Variants in LGR6 observed in about 807,000 individuals in gnomAD.
The protein encoded by LGR6 is leucine rich repeat containing G protein-coupled receptor 6.
LGR6 carries 45 observed loss-of-function variants against 69.4 expected under a neutral mutation model. The ratio of observed to expected loss-of-function variants is 0.65; its 90% CI spans 0.51 to 0.83. The LOEUF (loss-of-function observed/expected upper bound fraction) is 0.83, where lower values mean the gene tolerates loss of function less well. LGR6 is among the 40% of genes least tolerant of loss of function. The pLI is 0.00. For missense variants in LGR6, 1,108 were observed against 1,246.7 expected (o/e 0.89, Z 1.68); for synonymous variants, 538 against 555.0 (o/e 0.97, Z 0.43).
At chr1:202,241,170 T>A (rs1205185571) in intron 4 of LGR6, among the ~76,000 whole-genome samples, 1 of 152,226 alleles carries the variant, frequency 6.6e-6, no homozygotes, top group Admixed American at 6.5e-5. Flanking sequence ...GGAAATGTCT[T>A]TCCTGTTGGA....
Position 202,319,171 on chromosome 1 carries a change from T to A in LGR6, c.2868T>A (p.Phe956Leu). 6.2e-7 allele frequency: 1 copy of A among 1,612,356 alleles called. No individual in the cohort carries two copies. ...GAGGCTTGTCAGGGGGTGGCGGCTTTCAGCCCTCTGGCTTGGCCTTTGCTT... is the reference window on the plus strand; with the variant it reads ...GAGGCTTGTCAGGGGGTGGCGGCTTACAGCCCTCTGGCTTGGCCTTTGCTT... ...AGGGLSGGGG[F>L]QPSGLAFASH... is the part of the protein sequence containing the mutation. Residue 956 changes from phenylalanine (F) to leucine (L), a missense_variant, in exon 18 of 18, where the codon TTT (phenylalanine) becomes TTA (leucine). By Grantham distance (22) the Phe-to-Leu change is conservative. Transcript: ENST00000367278.
chr1:202,312,283 TCAGA>T (rs1653803419), intron 16 of LGR6, among the ~76,000 whole-genome samples: 1 of 152,252 alleles, frequency 6.6e-6, no homozygotes, highest in Admixed American at 6.5e-5. Flanking sequence ...TTTCCCAGCC[TCAGA>T]CAGAGTCCAC....
intron 6 of LGR6, among the ~76,000 whole-genome samples, chr1:202,284,600 A>G (rs372138269): frequency 1.4e-4 from 22 of 152,302 alleles, no homozygotes; most frequent in African/African-American, 5.3e-4. Context: ...GAACATTTCT[A>G]GGAAGGTTTT....
chr1:202,292,225 G>A (rs1194770639), intron 6 of LGR6, among the ~76,000 whole-genome samples: 1 of 152,170 alleles, frequency 6.6e-6, no homozygotes, highest in Non-Finnish European at 1.5e-5. Context: ...TTTTCAACAG[G>A]AGAGTGACAG....
chr1:202,296,828 G>T (rs1430404910), intron 6 of LGR6, among the ~76,000 whole-genome samples: 2 of 152,196 alleles, frequency 1.3e-5, no homozygotes, highest in Admixed American at 1.3e-4. Flanking sequence ...TTATCAAATA[G>T]TTTCTAAAGG....
intron 6 of LGR6, among the ~76,000 whole-genome samples, chr1:202,293,456 C>T (rs114320306): frequency 7.7e-4 from 117 of 152,208 alleles, no homozygotes; most frequent in African/African-American, 2.8e-3. Flanking sequence ...ACAGTCATGT[C>T]AAAGATGCTC....
intron 4 of LGR6, among the ~76,000 whole-genome samples, chr1:202,271,534 C>T (rs1043833177): frequency 5.9e-5 from 9 of 152,016 alleles, no homozygotes; most frequent in African/African-American, 2.2e-4. Context: ...AGGCTGGGCG[C>T]GGTGGCTCAC....
chr1:202,286,455 C>A (rs920862121), intron 6 of LGR6, among the ~76,000 whole-genome samples: 2 of 152,146 alleles, frequency 1.3e-5, no homozygotes, highest in African/African-American at 4.8e-5. Flanking sequence ...TTGAGAAAGA[C>A]AAGGCAGGAA....
chr1:202,287,551 A>G (rs976229769), intron 6 of LGR6, among the ~76,000 whole-genome samples: 5 of 152,164 alleles, frequency 3.3e-5, no homozygotes, highest in African/African-American at 1.2e-4. Flanking sequence ...CCTTCTTAAC[A>G]TGCTCACTGG....
In LGR6 at chr1:202,280,815, A is replaced by G; in HGVS notation, c.679A>G (p.Thr227Ala). ...TAACAACCGCATCCAGCATCTGGGG[A>G]CCCACAGCTTCGAGGGGCTGCACAA... Reference protein sequence around the residue: ...LHNNRIQHLGTHSFEGLHNLE... With the variant: ...LHNNRIQHLGAHSFEGLHNLE... The change falls in exon 6 of 18, where the codon ACC (threonine) becomes GCC (alanine). Residue 227 changes from threonine (T) to alanine (A), a missense_variant. By Grantham distance (58) the Thr-to-Ala change is moderately conservative. Transcript: ENST00000367278. 6.2e-7 allele frequency: 1 copy of G among 1,614,090 alleles called. No individual in the cohort carries two copies. Among genetic ancestry groups the G allele is most frequent in the Non-Finnish European group, 8.5e-7 (1 of 1,180,004 alleles).
intron 3 of LGR6, among the ~76,000 whole-genome samples, chr1:202,231,360 G>A (rs1006766753): frequency 1.3e-5 from 2 of 152,210 alleles, no homozygotes; most frequent in Non-Finnish European, 1.5e-5. Flanking sequence ...GCTGGGCTCT[G>A]TCCGAGCCTC....
intron 11 of LGR6, among the ~76,000 whole-genome samples, chr1:202,304,920 G>A (rs1173840155): frequency 2.0e-5 from 3 of 152,190 alleles, no homozygotes; most frequent in Non-Finnish European, 4.4e-5. Context: ...AAAGCACCTA[G>A]TGCATAATAC....
At chr1:202,272,496 T>A (rs1024830149) in intron 4 of LGR6, among the ~76,000 whole-genome samples, 4 of 152,172 alleles carry the variant, frequency 2.6e-5, no homozygotes, top group Non-Finnish European at 5.9e-5. Flanking sequence ...CCTCAGCTGC[T>A]CTACCATGCC....
Position 202,319,247 on chromosome 1 carries a change from C to T in LGR6, c.*40C>T, listed in dbSNP as rs747350883. The T allele has an allele frequency of 1.5e-5, 23 of 1,507,968 alleles. No individual in the cohort carries two copies. Among genetic ancestry groups the T allele is most frequent in the Non-Finnish European group, 1.8e-5 (20 of 1,128,648 alleles). The allele number at this position is 1,507,968 out of a possible 1,614,324, so 93.4% of individuals were successfully genotyped here. ...TCTTCTCTTCCCCTCTCTTCCCTTT[C>T]CTCTCTCCCCCTCGGTGAATGATGG... On this transcript the variant is annotated 3_prime_UTR_variant, in exon 18 of 18. Transcript: ENST00000367278.
intron 6 of LGR6, among the ~76,000 whole-genome samples, chr1:202,285,009 C>T (rs1367313212): frequency 2.0e-5 from 3 of 152,214 alleles, no homozygotes; most frequent in South Asian, 2.1e-4. Context: ...TCTTCTGGCC[C>T]CAGCTCTCTC....
chr1:202,232,791 C>G (rs951863092), intron 3 of LGR6, among the ~76,000 whole-genome samples: 1 of 152,210 alleles, frequency 6.6e-6, no homozygotes, highest in Admixed American at 6.5e-5. Flanking sequence ...GTCACAAAAG[C>G]ATTGGCCCGA....
intron 4 of LGR6, among the ~76,000 whole-genome samples, chr1:202,267,540 A>G (rs1044615813): frequency 6.6e-6 from 1 of 152,128 alleles, no homozygotes; most frequent in African/African-American, 2.4e-5. Context: ...AATAAGCCTG[A>G]ATTGAGTGGT....
chr1:202,195,051 A>T (rs1658586754), intron 1 of LGR6, among the ~76,000 whole-genome samples: 1 of 152,116 alleles, frequency 6.6e-6, no homozygotes, highest in East Asian at 1.9e-4. Context: ...GAGGAGGGTG[A>T]GAGAGCACAT....
intron 1 of LGR6, among the ~76,000 whole-genome samples, chr1:202,203,556 C>T (rs1443475127): frequency 6.6e-6 from 1 of 152,180 alleles, no homozygotes; most frequent in Non-Finnish European, 1.5e-5. Context: ...TTCATTCATT[C>T]ATTCAATCAC....
Sources: gnomAD v4.1 joint callset for allele counts (sites outside exome capture counted in the v4.1 genomes callset) on GRCh38, gnomAD v4.1.1 for gene constraint, MANE v1.5 for transcripts, NCBI Gene and HGNC (gene_info 2026-07-23, HGNC 2026-07-21) for gene names.